Variants in PHACTR4 observed in about 807,000 individuals in gnomAD.
The protein encoded by PHACTR4 is protein phosphatase 1, regulatory subunit 124.
In PHACTR4, 51 loss-of-function variants were observed where a neutral mutation model predicts 72.7. The observed-to-expected ratio is 0.70, with a 90% CI of 0.56 to 0.89. The LOEUF (loss-of-function observed/expected upper bound fraction) is 0.89, where lower values mean the gene tolerates loss of function less well. PHACTR4 is among the 40% of genes least tolerant of loss of function. The pLI is 0.00. For synonymous variants in PHACTR4, 255 were observed against 302.5 expected, an observed-to-expected ratio of 0.84 and a Z score of 1.63; for missense variants, 731 against 861.8, an observed-to-expected ratio of 0.85 and a Z score of 1.90.
intron 2 of PHACTR4, among the ~76,000 whole-genome samples, chr1:28,420,827 A>G (rs1157280452): frequency 6.6e-6 from 1 of 152,218 alleles, no homozygotes; most frequent in Non-Finnish European, 1.5e-5. Flanking sequence ...TATTGGTGTC[A>G]TTTATTCCTA....
intron 2 of PHACTR4, among the ~76,000 whole-genome samples, chr1:28,437,778 G>T (rs1467395941): frequency 6.6e-6 from 1 of 152,080 alleles, no homozygotes; most frequent in Non-Finnish European, 1.5e-5. Flanking sequence ...CATCACATTG[G>T]TCATTAGAAT....
At chr1:28,395,643 T>G (rs1653437159) in intron 1 of PHACTR4, among the ~76,000 whole-genome samples, 2 of 146,248 alleles carry the variant, frequency 1.4e-5, no homozygotes, top group Non-Finnish European at 3.0e-5. Flanking sequence ...CATAACTTTT[T>G]TTTTTTTTTT....
chr1:28,491,926 C>CA, intron 12 of PHACTR4, 139 bp downstream of exon 12: 1 of 1,126,854 alleles, frequency 8.9e-7, no homozygotes, highest in Non-Finnish European at 1.2e-6. Flanking sequence ...AATCAAGATA[C>CA]AAAATGCCAA....
At chr1:28,420,205 T>A (rs1218781160) in intron 2 of PHACTR4, among the ~76,000 whole-genome samples, 4 of 152,176 alleles carry the variant, frequency 2.6e-5, no homozygotes, top group African/African-American at 4.8e-5. Context: ...GCCATTGATA[T>A]GGGTAGGCTT....
chr1:28,413,348 G>C (rs999130877), intron 2 of PHACTR4, among the ~76,000 whole-genome samples: 5 of 152,174 alleles, frequency 3.3e-5, no homozygotes, highest in African/African-American at 1.2e-4. Context: ...TCCAGTCTGT[G>C]TACAGGTGGC....
chr1:28,430,798 G>A (rs1411142693), intron 2 of PHACTR4, among the ~76,000 whole-genome samples: 1 of 152,074 alleles, frequency 6.6e-6, no homozygotes, highest in African/African-American at 2.4e-5. Flanking sequence ...ATTTTCCTAG[G>A]TAATCCAATT....
At chr1:28,489,973 AC>A (rs1389925076) in intron 10 of PHACTR4, 2 of 492,376 alleles carry the variant, frequency 4.1e-6, no homozygotes, top group Non-Finnish European at 4.1e-6. Context: ...CAGTGTGATC[AC>A]CATTGTCCAT....
chr1:28,453,992 G>T, intron 2 of PHACTR4: 1 of 470,834 alleles, frequency 2.1e-6, no homozygotes, highest in Non-Finnish European at 4.0e-6. Flanking sequence ...AAGGTGGGAG[G>T]ATCCCTTGAG....
At chr1:28,417,078 C>G (rs1223251451) in intron 2 of PHACTR4, among the ~76,000 whole-genome samples, 1 of 151,402 alleles carries the variant, frequency 6.6e-6, no homozygotes, top group Admixed American at 6.6e-5. Context: ...TTCCTTCCCC[C>G]TGAAATGGGT....
chr1:28,412,801 A>G (rs574115975), intron 2 of PHACTR4, among the ~76,000 whole-genome samples: 2 of 152,282 alleles, frequency 1.3e-5, no homozygotes, highest in South Asian at 2.1e-4. Context: ...AGGCCCTTCT[A>G]TGGAAGTCAT....
rs200906297 is a variant in PHACTR4 at position 28,474,103 on chromosome 1, C to G, written c.1373C>G (p.Thr458Arg). The G allele has an allele frequency of 6.2e-7, 1 of 1,614,106 alleles. No individual in the cohort carries two copies. The highest frequency in any genetic ancestry group is 1.7e-5 in the Admixed American group (1 of 60,004). ...GACAGCTTTTCTGAGGACAGCAGTACGCTGGGTCGGACCAGGTCTCTTCCC... is the reference window on the plus strand; with the variant it reads ...GACAGCTTTTCTGAGGACAGCAGTAGGCTGGGTCGGACCAGGTCTCTTCCC... ...NSDSFSEDSS[T>R]LGRTRSLPIT... The change falls in exon 7 of 14, where the codon ACG (threonine) becomes AGG (arginine). Residue 458 changes from threonine (T) to arginine (R), a missense_variant. Coordinates refer to ENST00000373839, the MANE Select transcript of PHACTR4 (RefSeq NM_001048183.3).
chr1:28,446,489 AGT>A (rs1166723328), intron 2 of PHACTR4, among the ~76,000 whole-genome samples: 1 of 152,194 alleles, frequency 6.6e-6, no homozygotes, highest in East Asian at 1.9e-4. Context: ...GTCATTTAAA[AGT>A]GTGTGGAGGC....
chr1:28,448,761 C>CA (rs777343479), intron 2 of PHACTR4, among the ~76,000 whole-genome samples: 7,795 of 19,760 alleles, frequency 0.39, 1,683 homozygotes, highest in Non-Finnish European at 0.47. Context: ...GACTCCATCT[C>CA]AAAAAAAAAA....
At position 28,492,872 on chromosome 1, in the gene PHACTR4, T is replaced by A. The variant is rs529936587; in HGVS notation, c.2017-143T>A. On this transcript the variant is annotated intron_variant, in intron 12 of 13. Coordinates refer to ENST00000373839, the MANE Select transcript of PHACTR4 (RefSeq NM_001048183.3). ...AGGTTTATTATGAGACAGATGGGTATCATTGTGTTGACCTGGTGTCTGGGT... is the reference window on the plus strand; with the variant it reads ...AGGTTTATTATGAGACAGATGGGTAACATTGTGTTGACCTGGTGTCTGGGT... The A allele has an allele frequency of 3.3e-5, 20 of 603,226 alleles. 1 individual carries two copies. The South Asian group carries it at 4.5e-4, about 13-fold the overall frequency. The allele number at this position is 603,226 out of a possible 1,614,324, so 37.4% of individuals were successfully genotyped here. A position where few individuals can be genotyped will look rare whatever the true frequency, so the allele number is the denominator to read the frequency against.
intron 2 of PHACTR4, among the ~76,000 whole-genome samples, chr1:28,416,443 CAG>C (rs2124321280): frequency 6.6e-6 from 1 of 152,218 alleles, no homozygotes; most frequent in African/African-American, 2.4e-5. Flanking sequence ...TTAAGGAAAA[CAG>C]AGTACACAGG....
intron 9 of PHACTR4, among the ~76,000 whole-genome samples, chr1:28,488,868 G>A (rs182124376): frequency 8.9e-4 from 135 of 152,248 alleles, no homozygotes; most frequent in Non-Finnish European, 1.6e-3. Context: ...TTCGCTTCAC[G>A]GATGAGGACA....
rs557073111 is a variant in PHACTR4, at chr1:28,454,057, A to G, written c.17-5028A>G. On this transcript the variant is annotated intron_variant, in intron 2 of 13. Coordinates refer to ENST00000373839, the MANE Select transcript of PHACTR4 (RefSeq NM_001048183.3). ...ATAGCAAGACCTTGTCTCTATTAAA[A>G]AAAAATTTTTTTTTTAATTAGCCAG... 67 of 277,694 alleles carry G rather than the reference A, an allele frequency of 2.4e-4. 1 individual carries two copies. Among genetic ancestry groups the G allele is most frequent in the African/African-American group, 1.4e-3 (64 of 44,798 alleles). The allele number at this position is 277,694 out of a possible 1,614,324, so 17.2% of individuals were successfully genotyped here.
intron 2 of PHACTR4, among the ~76,000 whole-genome samples, chr1:28,449,786 G>A (rs577362286): frequency 2.0e-5 from 3 of 151,880 alleles, no homozygotes; most frequent in African/African-American, 7.2e-5. Flanking sequence ...CAGGAGGCAG[G>A]GGTTGCAGTG....
chr1:28,457,255 T>G, intron 2 of PHACTR4: 1 of 422,280 alleles, frequency 2.4e-6, no homozygotes, highest in Non-Finnish European at 4.7e-6. Flanking sequence ...TTTAAAAATT[T>G]AATGCTGTTG....
Sources: allele counts gnomAD v4.1 joint callset (sites outside exome capture counted in the v4.1 genomes callset), GRCh38; gene constraint gnomAD v4.1.1; transcripts MANE v1.5; gene names NCBI Gene and HGNC (gene_info 2026-07-23, HGNC 2026-07-21).